Variants in ERG observed in about 807,000 individuals in gnomAD.
ERG encodes ETS transcription factor ERG.
ERG carries 9 observed loss-of-function variants against 55.3 expected under a neutral mutation model. The observed-to-expected ratio is 0.16, with a 90% CI of 0.10 to 0.28. The LOEUF (loss-of-function observed/expected upper bound fraction) is 0.28, where lower values mean the gene tolerates loss of function less well. Ranked by LOEUF, ERG falls within the 10% of genes least tolerant of loss-of-function variation. The pLI, the probability that ERG is intolerant of heterozygous loss-of-function variation, is 1.00. For synonymous variants in ERG, 223 were observed against 237.3 expected, an observed-to-expected ratio of 0.94 and a Z score of 0.55; for missense variants, 434 against 631.6, an observed-to-expected ratio of 0.69 and a Z score of 3.35.
chr21:38,568,451 G>C (rs1408416715), intron 2 of ERG, among the ~76,000 whole-genome samples: 1 of 152,156 alleles, frequency 6.6e-6, no homozygotes, highest in African/African-American at 2.4e-5. Flanking sequence ...GAGGCAGCTA[G>C]TAACAGGTGG....
chr21:38,453,751 G>A (rs1023372543), intron 1 of ERG, among the ~76,000 whole-genome samples: 1 of 152,024 alleles, frequency 6.6e-6, no homozygotes, highest in Non-Finnish European at 1.5e-5. Context: ...GGGTGTGGTG[G>A]TGTGCACCTG....
chr21:38,384,870 G>C (rs1387611513), intron 9 of ERG, among the ~76,000 whole-genome samples: 1 of 149,876 alleles, frequency 6.7e-6, no homozygotes, highest in Non-Finnish European at 1.5e-5. Context: ...TTTCAAACCA[G>C]ATCACCCAGT....
In ERG at chr21:38,423,407, G is replaced by A; in HGVS notation, c.388+3C>T. 6.2e-7 allele frequency: 1 copy of A among 1,611,524 alleles called. No homozygotes were observed. Among genetic ancestry groups the A allele is most frequent in the Non-Finnish European group, 8.5e-7 (1 of 1,178,236 alleles). On this transcript the variant is annotated splice_donor_region_variant and intron_variant, in intron 3 of 9. Coordinates refer to ENST00000288319, the MANE Select transcript of ERG (RefSeq NM_182918.4). The stretch of plus-strand genomic sequence containing the variant: ...GAGGGCAGTGAAGCTGTGGGCACCT[G>A]ACCTGCTGGCACGATAACTCTGCGC...
upstream of ERG, among the ~76,000 whole-genome samples, chr21:38,499,100 T>C (rs977187649): frequency 2.6e-5 from 4 of 152,242 alleles, no homozygotes; most frequent in Non-Finnish European, 5.9e-5. Context: ...GCAAGGACTC[T>C]AGGCTTACAG....
chr21:38,452,046 G>T (rs936200807), intron 1 of ERG, among the ~76,000 whole-genome samples: 1 of 152,110 alleles, frequency 6.6e-6, no homozygotes, highest in Non-Finnish European at 1.5e-5. Context: ...TTAACACATT[G>T]CAATTTTAGT....
chr21:38,461,187 C>G (rs552618028), intron 1 of ERG, among the ~76,000 whole-genome samples: 1 of 152,154 alleles, frequency 6.6e-6, no homozygotes, highest in Non-Finnish European at 1.5e-5. Flanking sequence ...AAAGTAGCAG[C>G]GGGGTTGATT....
chr21:38,563,683 C>T (rs183807964), intron 2 of ERG, among the ~76,000 whole-genome samples: 4 of 152,142 alleles, frequency 2.6e-5, no homozygotes, highest in East Asian at 1.9e-4. Context: ...TCAGTCAACT[C>T]GTATATGTGA....
chr21:38,504,014 G>A (rs2059441437), intron 2 of ERG, among the ~76,000 whole-genome samples: 1 of 152,172 alleles, frequency 6.6e-6, no homozygotes, highest in Non-Finnish European at 1.5e-5. Context: ...ATGAGTGTGT[G>A]AGTGTGTGTA....
intron 2 of ERG, among the ~76,000 whole-genome samples, chr21:38,523,634 TCCGTAAAACC>T (rs1026973510): frequency 5.9e-5 from 9 of 152,214 alleles, no homozygotes; most frequent in African/African-American, 2.2e-4. Context: ...ATTGTAATTC[TCCGTAAAACC>T]CCAGTTACCC....
intron 2 of ERG, among the ~76,000 whole-genome samples, chr21:38,514,276 A>G (rs1431072536): frequency 2.0e-5 from 3 of 151,922 alleles, no homozygotes; most frequent in Non-Finnish European, 4.4e-5. Flanking sequence ...AAAAGAAAAG[A>G]AAGCTTGATA....
At chr21:38,485,708 T>A (rs1392537072) in intron 1 of ERG, among the ~76,000 whole-genome samples, 1 of 151,922 alleles carries the variant, frequency 6.6e-6, no homozygotes, top group Non-Finnish European at 1.5e-5. Context: ...TCCGCCCACC[T>A]CGGCCTCCCA....
chr21:38,401,008 T>C (rs1363878715), intron 5 of ERG, among the ~76,000 whole-genome samples: 1 of 152,248 alleles, frequency 6.6e-6, no homozygotes, highest in African/African-American at 2.4e-5. Context: ...TAAAAACCCA[T>C]AATATATTTT....
At chr21:38,549,569 A>G (rs1386934172) in intron 2 of ERG, among the ~76,000 whole-genome samples, 2 of 152,222 alleles carry the variant, frequency 1.3e-5, no homozygotes, top group African/African-American at 4.8e-5. Context: ...TTTTGCATTT[A>G]CGCTTCTTAG....
intron 1 of ERG, among the ~76,000 whole-genome samples, chr21:38,610,864 AC>A (rs1398632768): frequency 6.6e-6 from 1 of 152,216 alleles, no homozygotes; most frequent in Non-Finnish European, 1.5e-5. Flanking sequence ...GCCAAGGACA[AC>A]AAGAATAGGC....
chr21:38,547,266 G>A (rs530567235), intron 2 of ERG, among the ~76,000 whole-genome samples: 1 of 152,294 alleles, frequency 6.6e-6, no homozygotes, highest in South Asian at 2.1e-4. Context: ...TGCAGCTATG[G>A]ATTTATTCTT....
At chr21:38,552,610 A>C (rs1258695348) in intron 2 of ERG, among the ~76,000 whole-genome samples, 1 of 152,228 alleles carries the variant, frequency 6.6e-6, no homozygotes, top group Non-Finnish European at 1.5e-5. Flanking sequence ...AGCTGCAGAA[A>C]AGACTTCCAA....
intron 9 of ERG, among the ~76,000 whole-genome samples, chr21:38,389,870 A>T (rs2146424785): frequency 6.6e-6 from 1 of 152,366 alleles, no homozygotes; most frequent in South Asian, 2.1e-4. Context: ...CATTGAATTC[A>T]TTAACATTAA....
rs141642791 is a variant in ERG at position 38,637,816 on chromosome 21, C to CGTGTGT, written c.-150+23836_-150+23841dup. On this transcript the variant is annotated intron_variant, in intron 1 of 10. Coordinates refer to the ERG transcript ENST00000398910. ...TGTCTCTTCACAAGTTCTTTTTCTG[C>CGTGTGT]GTGTGTGTGTGTGTGTGTGTACACA... Among the ~76,000 whole-genome samples, 377 of 149,036 alleles carry CGTGTGT rather than the reference C, an allele frequency of 2.5e-3. 1 individual carries two copies. The highest frequency in any genetic ancestry group is 0.011 in the Middle Eastern group (3 of 278).
At chr21:38,609,946 T>C (rs2060216530) in intron 1 of ERG, among the ~76,000 whole-genome samples, 1 of 152,240 alleles carries the variant, frequency 6.6e-6, no homozygotes, top group Non-Finnish European at 1.5e-5. Flanking sequence ...GACTGGACTT[T>C]TGTATATTTC....
Sources: gnomAD v4.1 joint callset for allele counts (sites outside exome capture counted in the v4.1 genomes callset) on GRCh38, gnomAD v4.1.1 for gene constraint, MANE v1.5 for transcripts, NCBI Gene and HGNC (gene_info 2026-07-23, HGNC 2026-07-21) for gene names.